The following PRRT4 variants were observed in gnomAD, a reference collection of about 807,000 sequenced individuals.
PRRT4 encodes the protein proline rich transmembrane protein 4, also known as proline-rich transmembrane protein 4.
Under a neutral mutation model 55.6 loss-of-function variants are expected in PRRT4, and 59 were observed. The ratio of observed to expected loss-of-function variants is 1.06; its 90% CI spans 0.86 to 1.32. PRRT4 has a LOEUF of 1.32. PRRT4 is among the 40% of genes most tolerant of loss of function. The pLI, the probability that PRRT4 is intolerant of heterozygous loss-of-function variation, is 0.00. For missense variants in PRRT4, 1,217 were observed against 1,222.0 expected (o/e 1.00, Z 0.06); for synonymous variants, 606 against 601.8 (o/e 1.01, Z -0.10).
At chr7:128,360,181 G>T in intron 1 of PRRT4, 118 bp from the exon 3 acceptor site, 1 of 434,338 alleles carries the variant, frequency 2.3e-6, no homozygotes, top group Non-Finnish European at 3.9e-6. Context: ...TGGGCAGGAT[G>T]CAAAGTGTCC....
chr7:128,356,515 T>A (rs1797114765), intron 4 of PRRT4, among the ~76,000 whole-genome samples: 1 of 152,156 alleles, frequency 6.6e-6, no homozygotes, highest in Non-Finnish European at 1.5e-5. Flanking sequence ...GAGCCTTCAG[T>A]TTTCCCCAGA....
At chr7:128,360,496 C>T (rs555814225) in intron 1 of PRRT4, among the ~76,000 whole-genome samples, 8 of 152,308 alleles carry the variant, frequency 5.3e-5, no homozygotes, top group Admixed American at 5.2e-4. Flanking sequence ...CTATTCCAAC[C>T]CCCACCTCCC....
chr7:128,352,098 G>A (rs935137649), exon 5 of PRRT4: 20 of 1,157,380 alleles, frequency 1.7e-5, no homozygotes, highest in Non-Finnish European at 2.1e-5. Flanking sequence ...GGCGATGCGC[G>A]GCGCTCCCGA....
At chr7:128,353,295 AAAGCC>A in intron 4 of PRRT4, among the ~76,000 whole-genome samples, 1 of 152,054 alleles carries the variant, frequency 6.6e-6, no homozygotes, top group African/African-American at 2.4e-5. Flanking sequence ...CTGTGATTCC[AAAGCC>A]TCGTTCTAAC....
intron 4 of PRRT4, among the ~76,000 whole-genome samples, chr7:128,357,648 G>A (rs1261513875): frequency 6.6e-6 from 1 of 152,228 alleles, no homozygotes; most frequent in Non-Finnish European, 1.5e-5. Flanking sequence ...CCAGGTCATG[G>A]GTTAAGTCTG....
At chr7:128,352,366 G>T (rs1469245304) in exon 5 of PRRT4, 36 of 1,525,416 alleles carry the variant, frequency 2.4e-5, no homozygotes, top group Non-Finnish European at 2.9e-5. Context: ...CGCCAGGCAG[G>T]GGGCGCCGGG....
exon 2 of PRRT4, chr7:128,359,858 G>T: frequency 2.0e-6 from 3 of 1,488,408 alleles, no homozygotes; most frequent in Non-Finnish European, 1.8e-6. Context: ...CAGCATAGAG[G>T]CCTCACTTTG....
chr7:128,350,742 A>C (rs1796937638), downstream of PRRT4: 1 of 1,461,552 alleles, frequency 6.8e-7, no homozygotes, highest in Non-Finnish European at 9.1e-7. Context: ...TGGGGAAGGA[A>C]TCTGGAGAGG....
intron 1 of PRRT4, 36 bp downstream of exon 1, chr7:128,361,525 C>T (rs1413342694): frequency 6.5e-6 from 1 of 152,982 alleles, no homozygotes; most frequent in Non-Finnish European, 1.5e-5. Flanking sequence ...GCCCCTGAGC[C>T]GCCCCCGGCC....
In PRRT4 at chr7:128,351,763, C is replaced by T. The variant is rs1796978739; in HGVS notation, c.1793G>A (p.Trp598Ter). 2 of 1,445,762 alleles carry T rather than the reference C, an allele frequency of 1.4e-6. No individual in the cohort carries two copies. The highest frequency in any genetic ancestry group is 3.0e-5 in the African/African-American group (2 of 66,892). 89.6% of individuals were successfully genotyped at this position (1,445,762 alleles called of 1,614,324 possible). A position where few individuals can be genotyped will look rare whatever the true frequency, so the allele number is the denominator to read the frequency against. Reference sequence around the variant, plus strand: ...CAGGCGCAGGCCTAGCTGGAAGGCCCACCAGGGCCAGGGCCCTTCCAGGCC... The same window carrying T: ...CAGGCGCAGGCCTAGCTGGAAGGCCTACCAGGGCCAGGGCCCTTCCAGGCC... Residue 598 changes from tryptophan (W) to a stop codon, truncating the protein, a stop_gained, in exon 5 of 5, where the codon TGG becomes TAG. Coordinates refer to ENST00000535159, the Ensembl canonical transcript of PRRT4. LOFTEE classifies it high-confidence loss of function.
exon 2 of PRRT4, chr7:128,359,806 T>A: frequency 6.6e-7 from 1 of 1,522,216 alleles, no homozygotes; most frequent in Middle Eastern, 1.7e-4. Context: ...CAGCAGCAGG[T>A]CCCCGAAGAT....
At chr7:128,356,635 A>C (rs1474306830) in intron 4 of PRRT4, among the ~76,000 whole-genome samples, 3 of 152,184 alleles carry the variant, frequency 2.0e-5, no homozygotes, top group African/African-American at 7.2e-5. Flanking sequence ...TCTTGACCTC[A>C]GTGGCCAGGA....
rs1797152152 is a variant in PRRT4, at chr7:128,358,003, T to G, written c.877+678A>C. Among the ~76,000 whole-genome samples, 1 of 152,212 alleles carries G rather than the reference T, an allele frequency of 6.6e-6. No homozygotes were observed. Among genetic ancestry groups the G allele is most frequent in the Non-Finnish European group, 1.5e-5 (1 of 68,044 alleles). On this transcript the variant is annotated intron_variant, in intron 4 of 4. Transcript: ENST00000535159. The surrounding 1 kb of genome is among the most constrained non-coding windows in gnomAD (Gnocchi z 4.4). ...TTGTGCCCAGCATCATGCTAAGAGC[T>G]TTGCAATAACTAGCAAGTACTATTA... is the stretch of plus-strand genomic sequence containing the variant.
chr7:128,352,008 G>A (rs750507395), exon 5 of PRRT4: 23 of 1,316,502 alleles, frequency 1.7e-5, no homozygotes, highest in Middle Eastern at 5.8e-4. Context: ...CCCAGCAGGA[G>A]AGCGCCAGCA....
At chr7:128,360,569 G>A (rs980308651) in intron 1 of PRRT4, among the ~76,000 whole-genome samples, 3 of 152,166 alleles carry the variant, frequency 2.0e-5, no homozygotes, top group African/African-American at 4.8e-5. Flanking sequence ...GCCTCGGGAG[G>A]GGTAAAGCCA....
rs201068278 is a variant in PRRT4 at position 128,359,795 on chromosome 7, A to C, written c.197T>G (p.Val66Gly). The C allele has an allele frequency of 4.7e-4, 726 of 1,534,764 alleles. 3 individuals carry two copies. In the Middle Eastern group the frequency reaches 9.2e-3, roughly 19 times the overall value. Reference sequence around the variant, plus strand: ...GGTCTCTGTGACTGGGCTCCCCCAGACAGCAGCAGGTCCCCGAAGATGGAA... The same window carrying C: ...GGTCTCTGTGACTGGGCTCCCCCAGCCAGCAGCAGGTCCCCGAAGATGGAA... Residue 66 changes from valine to glycine, a missense_variant, in exon 2 of 5, where the codon GTC becomes GGC. Coordinates refer to ENST00000535159, the Ensembl canonical transcript of PRRT4.
Position 128,357,676 on chromosome 7 carries a change from G to A in PRRT4, c.877+1005C>T, listed in dbSNP as rs192054963. On this transcript the variant is annotated intron_variant, in intron 4 of 4. Transcript: ENST00000535159. ...TAAGTCTGGAGCTGGAAGAAGCTGG[G>A]GAGACCAGTGGTTTCCACTGCTGAG... Among the ~76,000 whole-genome samples the A allele has an allele frequency of 2.8e-3, 426 of 152,336 alleles. 1 individual carries two copies. Among genetic ancestry groups the A allele is most frequent in the African/African-American group, 0.01 (416 of 41,580 alleles).
chr7:128,351,816 C>T, exon 5 of PRRT4: 1 of 1,415,920 alleles, frequency 7.1e-7, no homozygotes, highest in South Asian at 1.5e-5. Flanking sequence ...CCAGGGCGTG[C>T]AGCACCTCAT....
At chr7:128,351,980 C>CCCGCCG in exon 5 of PRRT4, 1 of 1,298,436 alleles carries the variant, frequency 7.7e-7, no homozygotes, top group Non-Finnish European at 9.8e-7. Context: ...GGCGCCCCGG[C>CCCGCCG]CCGCCGCCGC....
Sources: allele counts gnomAD v4.1 joint callset (sites outside exome capture counted in the v4.1 genomes callset), GRCh38; gene constraint gnomAD v4.1.1; non-coding constraint Gnocchi (gnomAD v3.1); transcripts MANE v1.5; gene names NCBI Gene and HGNC (gene_info 2026-07-23, HGNC 2026-07-21).